Variants in CREG2 observed in about 807,000 individuals in gnomAD.
CREG2 encodes cellular repressor of E1A stimulated genes 2, also known as protein CREG2.
In CREG2, 24 loss-of-function variants were observed where a neutral mutation model predicts 26.2. That is an observed-to-expected ratio of 0.92 (90% CI 0.66 to 1.29). The LOEUF (loss-of-function observed/expected upper bound fraction) is 1.29, where lower values mean the gene tolerates loss of function less well. Among genes scored for constraint, CREG2 ranks in the 50% most tolerant of loss-of-function variants. The pLI, the probability that CREG2 is intolerant of heterozygous loss-of-function variation, is 0.00. For missense variants in CREG2, 366 were observed against 398.6 expected, an observed-to-expected ratio of 0.92 and a Z score of 0.70; for synonymous variants, 174 against 169.2, an observed-to-expected ratio of 1.03 and a Z score of -0.22.
intron 2 of CREG2, 137 bp from the exon 3 acceptor site, chr2:101,355,503 T>A: frequency 3.2e-6 from 2 of 624,126 alleles, no homozygotes; most frequent in Non-Finnish European, 2.9e-6. Context: ...CCTGGTTATA[T>A]CATTCAGGTT....
rs1384724060 is a variant in CREG2, at chr2:101,383,747, C to T, written c.442-45G>A. 2.1e-5 allele frequency: 32 copies of T among 1,527,364 alleles called. No individual in the cohort carries two copies. The East Asian group carries it at 2.8e-4, about 13-fold the overall frequency. The allele number at this position is 1,527,364 out of a possible 1,614,324, so 94.6% of individuals were successfully genotyped here. A position where few individuals can be genotyped will look rare whatever the true frequency, so the allele number is the denominator to read the frequency against. On this transcript the variant is annotated intron_variant, in intron 1 of 3. Coordinates refer to ENST00000324768, the MANE Select transcript of CREG2 (RefSeq NM_153836.4). ...GCTTTTTCAGTGCAGAGCTGTGGCT[C>T]GACTTGATCTGGGAGCTTAGCTTGT...
chr2:101,383,505 G>T (rs375172093), intron 2 of CREG2, 28 bp downstream of exon 2: 2 of 1,611,834 alleles, frequency 1.2e-6, no homozygotes, highest in African/African-American at 1.3e-5. Flanking sequence ...CCCAGGACCC[G>T]TGTGAGTGAG....
chr2:101,386,164 G>A (rs1684963931), intron 1 of CREG2, among the ~76,000 whole-genome samples: 1 of 152,220 alleles, frequency 6.6e-6, no homozygotes, highest in African/African-American at 2.4e-5. Context: ...TTATAGACGA[G>A]GAAAGCAAAG....
chr2:101,351,326 G>A (rs1307422202), intron 3 of CREG2, among the ~76,000 whole-genome samples: 2 of 152,196 alleles, frequency 1.3e-5, no homozygotes, highest in Non-Finnish European at 2.9e-5. Context: ...TTCAACTGCT[G>A]ATGAGCTGTG....
rs1010085242 is a variant in CREG2 at position 101,347,558 on chromosome 2, C to T, written c.*3365G>A. On this transcript the variant is annotated 3_prime_UTR_variant, in exon 4 of 4. Coordinates refer to ENST00000324768, the MANE Select transcript of CREG2 (RefSeq NM_153836.4). Reference sequence around the variant, plus strand: ...TCATTGTAGTATTAGTTTGCAGTTCCCCTAGTGACTAGTGCTGTTGACTGT... The same window carrying T: ...TCATTGTAGTATTAGTTTGCAGTTCTCCTAGTGACTAGTGCTGTTGACTGT... 1.3e-5 allele frequency: 2 copies of T among 152,024 alleles called. No individual in the cohort carries two copies. The highest frequency in any genetic ancestry group is 2.9e-5 in the Non-Finnish European group (2 of 68,008). The allele number at this position is 152,024 out of a possible 1,614,324, so 9.4% of individuals were successfully genotyped here. A position where few individuals can be genotyped will look rare whatever the true frequency, so the allele number is the denominator to read the frequency against.
Position 101,347,380 on chromosome 2 carries a change from T to C in CREG2, c.*3543A>G, listed in dbSNP as rs1033505632. 2.0e-5 allele frequency: 3 copies of C among 152,254 alleles called. No individual in the cohort carries two copies. The highest frequency in any genetic ancestry group is 4.4e-5 in the Non-Finnish European group (3 of 68,040). The allele number at this position is 152,254 out of a possible 1,614,324, so 9.4% of individuals were successfully genotyped here. On this transcript the variant is annotated 3_prime_UTR_variant, in exon 4 of 4. Coordinates refer to ENST00000324768, the MANE Select transcript of CREG2 (RefSeq NM_153836.4). ...TATGGCAGTTGTATGTTTAGTTTTA[T>C]GAGAAACTGGCAAATGGTTTTGCGG...
rs1306557213 is a variant in CREG2 at position 101,382,730 on chromosome 2, A to G, written c.611+803T>C. 7.1e-6 allele frequency: 7 copies of G among 985,348 alleles called. No homozygotes were observed. In the Admixed American group the frequency reaches 2.5e-4, roughly 35 times the overall value. 61.0% of individuals were successfully genotyped at this position (985,348 alleles called of 1,614,324 possible). A position where few individuals can be genotyped will look rare whatever the true frequency, so the allele number is the denominator to read the frequency against. ...GGTTATTATGTTTTCCGTGCTGTGC[A>G]TAAAGAATAATAGAATTTCACAGAT... On this transcript the variant is annotated intron_variant, in intron 2 of 3. Coordinates refer to ENST00000324768, the MANE Select transcript of CREG2 (RefSeq NM_153836.4).
At chr2:101,379,865 A>C (rs1004962534) in intron 2 of CREG2, among the ~76,000 whole-genome samples, 1 of 152,140 alleles carries the variant, frequency 6.6e-6, no homozygotes. Context: ...CAGCTGCTGG[A>C]TTGGGGATGA....
chr2:101,369,124 A>G (rs370957946), intron 2 of CREG2, among the ~76,000 whole-genome samples: 2 of 152,376 alleles, frequency 1.3e-5, no homozygotes, highest in East Asian at 3.9e-4. Context: ...TAAGCTGGAC[A>G]GTAGAATGAT....
chr2:101,372,333 A>T (rs868446770), intron 2 of CREG2, among the ~76,000 whole-genome samples: 9 of 152,208 alleles, frequency 5.9e-5, no homozygotes, highest in Non-Finnish European at 1.2e-4. Context: ...GAAGGAAAAA[A>T]GTCTTATTTT....
At chr2:101,384,212 G>A (rs1274772358) in intron 1 of CREG2, among the ~76,000 whole-genome samples, 1 of 152,092 alleles carries the variant, frequency 6.6e-6, no homozygotes, top group Admixed American at 6.5e-5. Flanking sequence ...GTTTCTTTTA[G>A]GGCTGCATCA....
At chr2:101,370,885 C>T (rs1386715728) in intron 2 of CREG2, among the ~76,000 whole-genome samples, 7 of 152,170 alleles carry the variant, frequency 4.6e-5, no homozygotes, top group Admixed American at 4.6e-4. Context: ...TCTTCAGGAT[C>T]AGGTGATCCT....
intron 2 of CREG2, among the ~76,000 whole-genome samples, chr2:101,361,171 G>A (rs185153808): frequency 2.6e-5 from 4 of 152,264 alleles, no homozygotes; most frequent in African/African-American, 9.6e-5. Context: ...GAAATAAAAA[G>A]GAGATTATAT....
chr2:101,362,397 A>G (rs114007992), intron 2 of CREG2, among the ~76,000 whole-genome samples: 1,855 of 152,340 alleles, frequency 0.012, 29 homozygotes, highest in African/African-American at 0.042. Flanking sequence ...GTTAAATTTC[A>G]CAATTCTTTA....
chr2:101,363,698 A>T (rs1684577517), intron 2 of CREG2, among the ~76,000 whole-genome samples: 1 of 152,166 alleles, frequency 6.6e-6, no homozygotes, highest in Admixed American at 6.5e-5. Flanking sequence ...AATATAGAGA[A>T]AATTGGCCGG....
intron 2 of CREG2, among the ~76,000 whole-genome samples, chr2:101,359,899 T>C (rs1684515744): frequency 1.3e-5 from 2 of 152,320 alleles, no homozygotes; most frequent in East Asian, 3.9e-4. Context: ...CATAAGAATT[T>C]TTTGCTGGCC....
Position 101,349,618 on chromosome 2 carries a change from A to C in CREG2, c.*1305T>G, listed in dbSNP as rs945001315. 3 of 152,558 alleles carry C rather than the reference A, an allele frequency of 2.0e-5. No individual in the cohort carries two copies. The highest frequency in any genetic ancestry group is 6.5e-5 in the Admixed American group (1 of 15,290). The allele number at this position is 152,558 out of a possible 1,614,324, so 9.5% of individuals were successfully genotyped here. ...GATCAGAGGTCTTAGATATATATACATAGGTCCATGTAGACCTTAGAAGTG... is the reference window on the plus strand; with the variant it reads ...GATCAGAGGTCTTAGATATATATACCTAGGTCCATGTAGACCTTAGAAGTG... On this transcript the variant is annotated 3_prime_UTR_variant, in exon 4 of 4. Coordinates refer to ENST00000324768, the MANE Select transcript of CREG2 (RefSeq NM_153836.4).
intron 2 of CREG2, among the ~76,000 whole-genome samples, chr2:101,368,570 G>A (rs572307536): frequency 7.2e-5 from 11 of 152,250 alleles, no homozygotes; most frequent in Non-Finnish European, 1.5e-4. Flanking sequence ...GGCTTGCCAC[G>A]CAATTAGTGA....
intron 2 of CREG2, among the ~76,000 whole-genome samples, chr2:101,363,832 A>T (rs751883964): frequency 3.8e-4 from 56 of 148,526 alleles, no homozygotes; most frequent in Non-Finnish European, 5.3e-4. Flanking sequence ...CCTCGGTGAC[A>T]GAGTGAGACC....
Sources: gnomAD v4.1 joint callset for allele counts (sites outside exome capture counted in the v4.1 genomes callset) on GRCh38, gnomAD v4.1.1 for gene constraint, MANE v1.5 for transcripts, NCBI Gene and HGNC (gene_info 2026-07-23, HGNC 2026-07-21) for gene names.